SYCP2: variants seen among roughly 807,000 people sequenced by gnomAD.
The protein encoded by SYCP2 is synaptonemal complex lateral element protein.
A neutral mutation model predicts 211.3 loss-of-function variants in SYCP2; 55 were observed. The ratio of observed to expected loss-of-function variants is 0.26; its 90% confidence interval spans 0.21 to 0.33. SYCP2 has a LOEUF of 0.33. Ranked by LOEUF, SYCP2 falls within the 10% of genes least tolerant of loss-of-function variation. The pLI is 1.00. For missense variants in SYCP2, 1,731 were observed against 1,752.0 expected (o/e 0.99, Z 0.21); for synonymous variants, 570 against 555.2 (o/e 1.03, Z -0.37).
chr20:59,893,298 G>A (rs1302668104), intron 21 of SYCP2, 99 bp from the exon 22 acceptor site: 4 of 842,624 alleles, frequency 4.7e-6, no homozygotes, highest in Non-Finnish European at 7.3e-6. Flanking sequence ...CACATATTGG[G>A]ATGAACGGAT....
intron 19 of SYCP2, among the ~76,000 whole-genome samples, 177 bp from the exon 20 acceptor site, chr20:59,895,774 T>C (rs1184421981): frequency 1.3e-5 from 2 of 152,024 alleles, no homozygotes; most frequent in East Asian, 1.9e-4. Context: ...AAGGAAAAAT[T>C]TGCAGGAAGG....
chr20:59,871,852 GAC>G (rs1230209617), intron 35 of SYCP2, among the ~76,000 whole-genome samples: 1 of 151,968 alleles, frequency 6.6e-6, no homozygotes, highest in Non-Finnish European at 1.5e-5. Context: ...GTTCAATACA[GAC>G]ACAATTAAAA....
At position 59,864,358 on chromosome 20, in the gene SYCP2, C is replaced by G. The variant is rs960904822; in HGVS notation, c.4546G>C (p.Glu1516Gln). ...TGAGACATGAATACTGACATCAGTT[C>G]TCTGCGTACATTAAGAAGCTCCTCT... ...LEEELLNVRRELMSVFMSHER... is the reference protein window; with the variant it reads ...LEEELLNVRRQLMSVFMSHER... Residue 1516 changes from glutamate to glutamine, a missense_variant, in exon 45 of 45, where the codon GAA (glutamate) becomes CAA (glutamine). Physicochemically the swap from Glu to Gln is conservative, Grantham distance 29. Around this residue, in one of 3 missense-constraint regions of SYCP2, gnomAD observed 1,387 missense variants for 1,351.3 expected, o/e 1.03. Coordinates refer to ENST00000357552, the MANE Select transcript of SYCP2 (RefSeq NM_014258.4). 1 of 1,605,480 alleles carries G rather than the reference C, an allele frequency of 6.2e-7. No individual in the cohort carries two copies. Among genetic ancestry groups the G allele is most frequent in the Non-Finnish European group, 8.5e-7 (1 of 1,176,170 alleles).
chr20:59,928,528 T>C (rs2060675133), intron 2 of SYCP2, among the ~76,000 whole-genome samples: 1 of 152,140 alleles, frequency 6.6e-6, no homozygotes, highest in Admixed American at 6.6e-5. Flanking sequence ...AAATAACTTT[T>C]AAAATATTAG....
At chr20:59,886,509 T>C (rs544108881) in intron 25 of SYCP2, among the ~76,000 whole-genome samples, 198 bp downstream of exon 25, 3 of 152,128 alleles carry the variant, frequency 2.0e-5, no homozygotes, top group South Asian at 2.1e-4. Context: ...AACTAGACAA[T>C]AGAATGACAA....
chr20:59,922,295 TTA>T (rs1278781594), intron 3 of SYCP2, 93 bp downstream of exon 3: 1 of 1,122,884 alleles, frequency 8.9e-7, no homozygotes, highest in African/African-American at 1.6e-5. Context: ...CATGTAAGCT[TTA>T]TCATTGCTAA....
intron 2 of SYCP2, among the ~76,000 whole-genome samples, chr20:59,930,715 TATA>T (rs1292832472): frequency 3.3e-5 from 5 of 150,832 alleles, no homozygotes; most frequent in South Asian, 4.2e-4. Context: ...AATGTATTGT[TATA>T]ATATTTAATA....
chr20:59,899,025 G>A (rs141138836), intron 18 of SYCP2, among the ~76,000 whole-genome samples: 80 of 152,182 alleles, frequency 5.3e-4, no homozygotes, highest in African/African-American at 1.9e-3. Context: ...AAAACTTTTG[G>A]AGTAGAAGAA....
intron 20 of SYCP2, among the ~76,000 whole-genome samples, chr20:59,893,908 C>T (rs995983901): frequency 9.9e-5 from 15 of 151,988 alleles, no homozygotes; most frequent in African/African-American, 3.6e-4. Context: ...TCTCCTGCTG[C>T]TGTTGATTAC....
Position 59,880,491 on chromosome 20 carries a change from A to G in SYCP2, c.2773-20T>C. ...TATAATCTATAAAAAAAAGTTTGAAATGCATGAAGAAATACTACATCTCAT... is the reference window on the plus strand; with the variant it reads ...TATAATCTATAAAAAAAAGTTTGAAGTGCATGAAGAAATACTACATCTCAT... On this transcript the variant is annotated intron_variant, in intron 30 of 44. Transcript: ENST00000357552. The G allele has an allele frequency of 6.9e-7, 1 of 1,439,942 alleles. No individual in the cohort carries two copies. 89.2% of individuals were successfully genotyped at this position (1,439,942 alleles called of 1,614,324 possible).
At chr20:59,900,363 C>G (rs1568952318) in intron 17 of SYCP2, 79 bp from the exon 18 acceptor site, 1 of 1,221,038 alleles carries the variant, frequency 8.2e-7, no homozygotes, top group Non-Finnish European at 1.1e-6. Flanking sequence ...ATGTCTTAAG[C>G]TCCTACTCAT....
At chr20:59,874,100 G>A (rs1450380613) in intron 34 of SYCP2, 39 bp from the exon 35 acceptor site, 2 of 1,146,488 alleles carry the variant, frequency 1.7e-6, no homozygotes, top group African/African-American at 3.1e-5. Flanking sequence ...TAGATGGCAA[G>A]CGTTATCATT....
At chr20:59,878,594 C>T (rs1226852269) in intron 31 of SYCP2, among the ~76,000 whole-genome samples, 2 of 152,034 alleles carry the variant, frequency 1.3e-5, no homozygotes, top group Non-Finnish European at 2.9e-5. Context: ...TACCATCCTC[C>T]GTGTCCCTTC....
At chr20:59,922,599 TA>T in intron 2 of SYCP2, 140 bp from the exon 3 acceptor site, 1 of 442,040 alleles carries the variant, frequency 2.3e-6, no homozygotes, top group Non-Finnish European at 4.0e-6. Flanking sequence ...ACCTGTTTAT[TA>T]AATTACACAT....
intron 26 of SYCP2, among the ~76,000 whole-genome samples, chr20:59,884,487 GAAAT>G (rs926075771): frequency 6.6e-6 from 1 of 152,004 alleles, no homozygotes; most frequent in Non-Finnish European, 1.5e-5. Flanking sequence ...TTACTGATCA[GAAAT>G]AATTAGTAAG....
chr20:59,926,522 T>A (rs1601001969), intron 2 of SYCP2, among the ~76,000 whole-genome samples: 2 of 152,084 alleles, frequency 1.3e-5, no homozygotes, highest in South Asian at 4.1e-4. Flanking sequence ...TATAAATATA[T>A]ATTGGGTTAG....
chr20:59,880,348 A>C lies in SYCP2; in HGVS notation c.2896T>G (p.Tyr966Asp). 1 of 1,597,750 alleles carries C rather than the reference A, an allele frequency of 6.3e-7. No homozygotes were observed. The highest frequency in any genetic ancestry group is 2.2e-5 in the East Asian group (1 of 44,452). Residue 966 changes from tyrosine to aspartate, a missense_variant, in exon 31 of 45, where the codon TAT becomes GAT. By Grantham distance (160) the Tyr-to-Asp change is radical. Coordinates refer to ENST00000357552, the MANE Select transcript of SYCP2 (RefSeq NM_014258.4). Reference sequence around the variant, plus strand: ...TTCTTCACATTTTTATTTCTGCTATAGTCTATTAGCTGTGGTTTTGATTTC... The same window carrying C: ...TTCTTCACATTTTTATTTCTGCTATCGTCTATTAGCTGTGGTTTTGATTTC... The part of the protein sequence containing the change: ...EPKSKPQLID[Y>D]SRNKNVKNHK...
intron 6 of SYCP2, 150 bp from the exon 7 acceptor site, chr20:59,919,332 A>G: frequency 3.0e-6 from 2 of 670,864 alleles, no homozygotes; most frequent in South Asian, 3.9e-5. Context: ...ATTTAATTAT[A>G]TTTACCAGAA....
intron 3 of SYCP2, among the ~76,000 whole-genome samples, chr20:59,921,767 C>T (rs754061128): frequency 4.2e-4 from 64 of 151,248 alleles, no homozygotes; most frequent in Non-Finnish European, 7.0e-4. Context: ...TTTAAAGTAA[C>T]GAACACTTAA....
Sources: gnomAD v4.1 joint callset for allele counts (sites outside exome capture counted in the v4.1 genomes callset) on GRCh38, gnomAD v4.1.1 for gene constraint, gnomAD v4.1.1 regional missense constraint, MANE v1.5 for transcripts, NCBI Gene and HGNC (gene_info 2026-07-23, HGNC 2026-07-21) for gene names.